The following SLC15A5 variants were observed in gnomAD, a reference collection of about 807,000 sequenced individuals.
The protein encoded by SLC15A5 is Peptide/histidine transporter ENSP00000340402.
A neutral mutation model predicts 56.1 loss-of-function variants in SLC15A5; 58 were observed. The observed-to-expected ratio is 1.03, with a 90% CI of 0.84 to 1.29. The LOEUF is 1.29. SLC15A5 is among the 50% of genes most tolerant of loss of function. The probability of loss-of-function intolerance (pLI) is 0.00; values close to 1 mark genes in which losing one functional copy is unlikely to be tolerated. For missense variants in SLC15A5, 681 were observed against 672.1 expected (o/e 1.01, Z -0.15); for synonymous variants, 264 against 250.5 (o/e 1.05, Z -0.51).
At chr12:16,191,378 T>C (rs888954102) in intron 8 of SLC15A5, among the ~76,000 whole-genome samples, 1 of 152,012 alleles carries the variant, frequency 6.6e-6, no homozygotes, top group African/African-American at 2.4e-5. Flanking sequence ...GAGGATGTTG[T>C]TTCATAATTA....
intron 4 of SLC15A5, among the ~76,000 whole-genome samples, chr12:16,242,447 C>T (rs1320996263): frequency 6.6e-6 from 1 of 151,778 alleles, no homozygotes; most frequent in Non-Finnish European, 1.5e-5. Flanking sequence ...TGGGATGTTG[C>T]TCTGCCACAC....
rs1402563725 is a variant in SLC15A5 at position 16,271,863 on chromosome 12, G to A, written c.584+698C>T. 2.6e-5 allele frequency among the ~76,000 whole-genome samples: 4 copies of A among 152,122 alleles called. No individual in the cohort carries two copies. The highest frequency in any genetic ancestry group is 5.9e-5 in the Non-Finnish European group (4 of 68,012). ...AAACCGACGAACTCCATAAGAACTC[G>A]TTGGGAGAGACAAAGATTCACAGGA... On this transcript the variant is annotated intron_variant, in intron 2 of 8. Transcript: ENST00000344941. The surrounding 1 kb of genome is among the most constrained non-coding windows in gnomAD (Gnocchi z 8.0).
intron 5 of SLC15A5, among the ~76,000 whole-genome samples, chr12:16,226,098 A>G (rs889208898): frequency 2.0e-5 from 3 of 152,216 alleles, no homozygotes; most frequent in Admixed American, 2.0e-4. Context: ...CAAAGACACC[A>G]AAATTCCTGC....
chr12:16,262,220 A>G (rs531084981), intron 2 of SLC15A5, among the ~76,000 whole-genome samples: 1 of 152,264 alleles, frequency 6.6e-6, no homozygotes, highest in East Asian at 1.9e-4. Flanking sequence ...TCCTGTTAAT[A>G]CTTCTTTCTG....
intron 5 of SLC15A5, among the ~76,000 whole-genome samples, chr12:16,234,513 A>T (rs570341307): frequency 1.3e-5 from 2 of 152,204 alleles, no homozygotes; most frequent in Non-Finnish European, 2.9e-5. Context: ...CTTAACTTGT[A>T]TGAGATAATA....
intron 1 of SLC15A5, among the ~76,000 whole-genome samples, chr12:16,272,997 GTT>G (rs796195708): frequency 6.8e-6 from 1 of 147,654 alleles, no homozygotes; most frequent in African/African-American, 2.5e-5. Flanking sequence ...GGAGTTTTAG[GTT>G]TTTTTTTTTC....
intron 7 of SLC15A5, among the ~76,000 whole-genome samples, chr12:16,210,044 C>A (rs1413592889): frequency 6.6e-6 from 1 of 152,140 alleles, no homozygotes; most frequent in Non-Finnish European, 1.5e-5. Context: ...GACTTCATGC[C>A]ATTTCCTCCT....
intron 3 of SLC15A5, among the ~76,000 whole-genome samples, chr12:16,250,074 G>T (rs547843155): frequency 1.3e-5 from 2 of 151,974 alleles, no homozygotes; most frequent in Non-Finnish European, 1.5e-5. Context: ...AGTATGTGGT[G>T]TAATAGAATG....
rs117974895 is a variant in SLC15A5, at chr12:16,224,413, C to A, written c.1351+1G>T. ...CATTAGTTGAAAAGGTGTTTACTCACGGGCTGGGTTTACCAGTGTTTCCGC... is the reference window on the plus strand; with the variant it reads ...CATTAGTTGAAAAGGTGTTTACTCAAGGGCTGGGTTTACCAGTGTTTCCGC... On this transcript the variant is annotated splice_donor_variant, in intron 6 of 8. Transcript: ENST00000344941. LOFTEE classifies it high-confidence loss of function. The A allele has an allele frequency of 2.0e-6, 3 of 1,536,562 alleles. No individual in the cohort carries two copies. The highest frequency in any genetic ancestry group is 2.6e-6 in the Non-Finnish European group (3 of 1,146,528).
At chr12:16,208,943 C>G (rs1333448013) in intron 7 of SLC15A5, among the ~76,000 whole-genome samples, 1 of 151,794 alleles carries the variant, frequency 6.6e-6, no homozygotes, top group Non-Finnish European at 1.5e-5. Flanking sequence ...CACCCACATC[C>G]CCTTCTAGCC....
intron 8 of SLC15A5, among the ~76,000 whole-genome samples, chr12:16,191,348 C>T (rs1275339241): frequency 6.6e-6 from 1 of 151,994 alleles, no homozygotes; most frequent in African/African-American, 2.4e-5. Flanking sequence ...AAACAGACCT[C>T]ATCCTACCTG....
At chr12:16,227,840 G>A (rs377760002) in intron 5 of SLC15A5, among the ~76,000 whole-genome samples, 4 of 152,146 alleles carry the variant, frequency 2.6e-5, no homozygotes, top group African/African-American at 9.7e-5. Context: ...GAATAGGAAA[G>A]ATATTGGAGG....
chr12:16,222,750 T>C (rs539369232), intron 6 of SLC15A5, among the ~76,000 whole-genome samples: 4 of 152,326 alleles, frequency 2.6e-5, no homozygotes, highest in Non-Finnish European at 2.9e-5. Flanking sequence ...CTTCTGAATG[T>C]TGAACCACTA....
At position 16,257,749 on chromosome 12, in the gene SLC15A5, T is replaced by A; in HGVS notation, c.706A>T (p.Ile236Leu). 6.5e-7 allele frequency: 1 copy of A among 1,527,370 alleles called. No homozygotes were observed. The highest frequency in any genetic ancestry group is 8.7e-7 in the Non-Finnish European group (1 of 1,143,722). The allele number at this position is 1,527,370 out of a possible 1,614,324, so 94.6% of individuals were successfully genotyped here. The stretch of plus-strand genomic sequence containing the variant: ...TTGTAGTATATCATATGAAGAGTTA[T>A]CACAGCCATAAGCATAGACATAAAA... ...IPFMSMLMAVITLHMIYYNLI... is the reference protein window; with the variant it reads ...IPFMSMLMAVLTLHMIYYNLI... The change falls in exon 3 of 9, where the codon ATA becomes TTA. Residue 236 changes from isoleucine to leucine, a missense_variant. Ile to Leu is a conservative substitution (Grantham distance 5). Transcript: ENST00000344941.
intron 4 of SLC15A5, among the ~76,000 whole-genome samples, chr12:16,240,785 C>A (rs1431563529): frequency 1.3e-5 from 2 of 151,874 alleles, no homozygotes; most frequent in Non-Finnish European, 2.9e-5. Flanking sequence ...AGCTTTGTTA[C>A]AGCTTCATCA....
chr12:16,229,090 T>G lies in SLC15A5; in HGVS notation c.1163-4488A>C, dbSNP rs150277215. Among the ~76,000 whole-genome samples, 5 of 152,366 alleles carry G rather than the reference T, an allele frequency of 3.3e-5. No homozygotes were observed. In the East Asian group the frequency reaches 9.6e-4, roughly 29 times the overall value. ...GCAGTAGCATATTAACTGGTCTTCTTGTTTCCACTCTTGTCCACCTCTAAC... is the reference window on the plus strand; with the variant it reads ...GCAGTAGCATATTAACTGGTCTTCTGGTTTCCACTCTTGTCCACCTCTAAC... On this transcript the variant is annotated intron_variant, in intron 5 of 8. Transcript: ENST00000344941.
At chr12:16,246,792 C>T (rs1241593414) in intron 3 of SLC15A5, among the ~76,000 whole-genome samples, 1 of 151,960 alleles carries the variant, frequency 6.6e-6, no homozygotes, top group Non-Finnish European at 1.5e-5. Context: ...GGATCTGCTT[C>T]TAATACATGA....
chr12:16,239,568 A>G (rs887961700), intron 5 of SLC15A5, 113 bp downstream of exon 5: 2 of 1,065,584 alleles, frequency 1.9e-6, no homozygotes, highest in Non-Finnish European at 2.6e-6. Flanking sequence ...CCTGTTTTCC[A>G]TATTATCAAA....
intron 7 of SLC15A5, among the ~76,000 whole-genome samples, chr12:16,215,680 C>T (rs754877431): frequency 6.6e-5 from 10 of 152,274 alleles, no homozygotes; most frequent in Admixed American, 6.5e-5. Context: ...AGGTAGCACA[C>T]GGCCTGGTAC....
Sources: gnomAD v4.1 joint callset for allele counts (sites outside exome capture counted in the v4.1 genomes callset) on GRCh38, gnomAD v4.1.1 for gene constraint, Gnocchi (gnomAD v3.1) non-coding constraint, MANE v1.5 for transcripts, NCBI Gene and HGNC (gene_info 2026-07-23, HGNC 2026-07-21) for gene names.